CWH43: variants seen among roughly 807,000 people sequenced by gnomAD.
The protein encoded by CWH43 is cell wall biogenesis 43 C-terminal homolog.
In CWH43, 91 loss-of-function variants were observed where a neutral mutation model predicts 85.7. The ratio of observed to expected loss-of-function variants is 1.06; its 90% confidence interval spans 0.90 to 1.26. The LOEUF (loss-of-function observed/expected upper bound fraction) is 1.26, where lower values mean the gene tolerates loss of function less well. Among genes scored for constraint, CWH43 ranks in the 50% most tolerant of loss-of-function variants. The pLI is 0.00. For missense variants in CWH43, 869 were observed against 839.2 expected (o/e 1.04, Z -0.44); for synonymous variants, 323 against 293.6 (o/e 1.10, Z -1.02).
chr4:49,061,993 C>T lies in CWH43; in HGVS notation c.*103C>T, dbSNP rs1785176724. ...AAGTGGGAAAATACACATGAAGAAC[C>T]TCAACTTAAAAAACACATGGTATCT... On this transcript the variant is annotated 3_prime_UTR_variant, in exon 16 of 16. Coordinates refer to ENST00000226432, the MANE Select transcript of CWH43 (RefSeq NM_025087.3). 1.1e-5 allele frequency: 10 copies of T among 922,894 alleles called. 1 individual carries two copies. Among genetic ancestry groups the T allele is most frequent in the Admixed American group, 4.7e-5 (1 of 21,444 alleles). The allele number at this position is 922,894 out of a possible 1,614,324, so 57.2% of individuals were successfully genotyped here.
intron 6 of CWH43, among the ~76,000 whole-genome samples, chr4:48,999,173 G>A (rs1560487716): frequency 6.6e-6 from 1 of 152,142 alleles, no homozygotes; most frequent in Non-Finnish European, 1.5e-5. Context: ...ATAACATGCA[G>A]CATTTGGTTT....
At chr4:49,049,495 C>A (rs1784729347) in intron 14 of CWH43, among the ~76,000 whole-genome samples, 1 of 151,832 alleles carries the variant, frequency 6.6e-6, no homozygotes, top group Admixed American at 6.6e-5. Flanking sequence ...GCTTCAAACC[C>A]CTCTGATGGA....
rs752039087 is a variant in CWH43 at position 48,994,734 on chromosome 4, C to T, written c.627C>T (p.Thr209=). ...CTTTTGGTAGCCTTGTGTTCCTCAC[C>T]CACTGGGTTTTTGGAGAAGTCTCTC... ...GAAFGSLVFL[T]HWVFGEVSLV... Residue 209 remains threonine, a synonymous_variant, in exon 5 of 16, where the codon ACC becomes ACT. Coordinates refer to ENST00000226432, the MANE Select transcript of CWH43 (RefSeq NM_025087.3). 3 of 1,614,140 alleles carry T rather than the reference C, an allele frequency of 1.9e-6. No homozygotes were observed. Among genetic ancestry groups the T allele is most frequent in the South Asian group, 2.2e-5 (2 of 91,068 alleles).
At chr4:49,012,543 A>G (rs1194294965) in intron 8 of CWH43, among the ~76,000 whole-genome samples, 1 of 152,102 alleles carries the variant, frequency 6.6e-6, no homozygotes, top group Non-Finnish European at 1.5e-5. Context: ...CCTTTGGAGG[A>G]GAAGAGGCAC....
In CWH43 at chr4:49,003,843, A is replaced by G; in HGVS notation, c.911A>G (p.His304Arg). 6.2e-7 allele frequency: 1 copy of G among 1,614,018 alleles called. No individual in the cohort carries two copies. Among genetic ancestry groups the G allele is most frequent in the Non-Finnish European group, 8.5e-7 (1 of 1,179,942 alleles). The change falls in exon 7 of 16, where the codon CAC (histidine) becomes CGC (arginine). Residue 304 changes from histidine (H) to arginine (R), a missense_variant. Transcript: ENST00000226432. ...TCCATGTGGCCCCAAACACTTGGAC[A>G]CCTTATTAACTCAGGGACAAACCCT... ...TASMWPQTLGHLINSGTNPGK... is the reference protein window; with the variant it reads ...TASMWPQTLGRLINSGTNPGK...
In CWH43 at chr4:48,992,470, TAAC is replaced by T. The variant is rs200650245; in HGVS notation, c.511+382_511+384del. On this transcript the variant is annotated intron_variant, in intron 4 of 15. Transcript: ENST00000226432. The surrounding 1 kb of genome is among the most constrained non-coding windows in gnomAD (Gnocchi z 4.3). The stretch of plus-strand genomic sequence containing the variant: ...CTCCACACTGACCTCAGTACATCTG[TAAC>T]ACTAAGGAAAGTTTCTGTCACGTAT... 0.014 allele frequency among the ~76,000 whole-genome samples: 2,091 copies of T among 152,310 alleles called. 33 individuals are homozygous for T. Among genetic ancestry groups the T allele is most frequent in the African/African-American group, 0.043 (1,806 of 41,554 alleles).
intron 15 of CWH43, among the ~76,000 whole-genome samples, chr4:49,056,660 AT>A (rs1234904006): frequency 6.6e-6 from 1 of 150,382 alleles, no homozygotes; most frequent in Non-Finnish European, 1.5e-5. Context: ...CTATTTCATT[AT>A]TTTTTTCTCT....
At chr4:49,017,838 T>C (rs1284970554) in intron 9 of CWH43, among the ~76,000 whole-genome samples, 4 of 140,652 alleles carry the variant, frequency 2.8e-5, no homozygotes, top group Admixed American at 7.1e-5. Flanking sequence ...GTGCTACACA[T>C]TTTTTTTTTT....
At chr4:49,046,874 C>T (rs1265346309) in intron 14 of CWH43, among the ~76,000 whole-genome samples, 1 of 152,154 alleles carries the variant, frequency 6.6e-6, no homozygotes, top group Non-Finnish European at 1.5e-5. Flanking sequence ...TGGAGACCTT[C>T]CCTGAAACAC....
At chr4:49,033,927 T>G (rs1440837589) in intron 12 of CWH43, among the ~76,000 whole-genome samples, 1 of 152,218 alleles carries the variant, frequency 6.6e-6, no homozygotes, top group African/African-American at 2.4e-5. Flanking sequence ...TAAGTTTTAT[T>G]TAAACAAATT....
intron 13 of CWH43, 134 bp from the exon 14 acceptor site, chr4:49,044,652 G>T: frequency 3.2e-6 from 2 of 626,022 alleles, no homozygotes; most frequent in Non-Finnish European, 5.5e-6. Context: ...GACCAAAAAA[G>T]ATCAGTAGGA....
At chr4:49,032,410 T>G (rs546345540) in intron 11 of CWH43, among the ~76,000 whole-genome samples, 156 bp from the exon 12 acceptor site, 15 of 152,292 alleles carry the variant, frequency 9.8e-5, no homozygotes, top group African/African-American at 3.4e-4. Context: ...ATCTGACAAA[T>G]GGACTGCCAT....
intron 13 of CWH43, among the ~76,000 whole-genome samples, chr4:49,040,755 C>T (rs1470994940): frequency 6.6e-6 from 1 of 152,092 alleles, no homozygotes; most frequent in Non-Finnish European, 1.5e-5. Context: ...TAATTAGATC[C>T]CATTTGTCAA....
chr4:49,018,681 C>T (rs1026350221), intron 9 of CWH43, among the ~76,000 whole-genome samples: 10 of 152,124 alleles, frequency 6.6e-5, no homozygotes, highest in African/African-American at 1.7e-4. Flanking sequence ...TAGTGTGTTT[C>T]ATAATGCAGT....
intron 9 of CWH43, 96 bp from the exon 10 acceptor site, chr4:49,028,533 A>T (rs1243085620): frequency 4.2e-6 from 3 of 707,102 alleles, no homozygotes; most frequent in Non-Finnish European, 7.1e-6. Flanking sequence ...CCTTTGCTGA[A>T]ATAAGAAATT....
intron 15 of CWH43, among the ~76,000 whole-genome samples, chr4:49,052,831 TATACA>T (rs1252538480): frequency 3.9e-5 from 6 of 152,324 alleles, no homozygotes; most frequent in East Asian, 1.9e-4. Flanking sequence ...AATTTTCACA[TATACA>T]ATACATTATT....
intron 13 of CWH43, among the ~76,000 whole-genome samples, chr4:49,042,155 G>C (rs1784482829): frequency 6.6e-6 from 1 of 152,154 alleles, no homozygotes; most frequent in African/African-American, 2.4e-5. Context: ...CAGCTAGGAG[G>C]CTCAACTAGG....
intron 8 of CWH43, chr4:49,016,781 G>A: frequency 1.3e-6 from 1 of 776,444 alleles, no homozygotes. Flanking sequence ...TCCCAATGCA[G>A]GTGATTACTC....
At chr4:49,003,541 C>T in intron 6 of CWH43, 194 bp from the exon 7 acceptor site, 1 of 560,134 alleles carries the variant, frequency 1.8e-6, no homozygotes, top group South Asian at 2.8e-5. Flanking sequence ...CCACATTCTA[C>T]CTCCAGTTGA....
Sources: allele counts gnomAD v4.1 joint callset (sites outside exome capture counted in the v4.1 genomes callset), GRCh38; gene constraint gnomAD v4.1.1; non-coding constraint Gnocchi (gnomAD v3.1); transcripts MANE v1.5; gene names NCBI Gene and HGNC (gene_info 2026-07-23, HGNC 2026-07-21).